The following DOCK3 variants were observed in gnomAD, a reference collection of about 807,000 sequenced individuals.
DOCK3 encodes dedicator of cytokinesis 3, also known as dedicator of cytokinesis protein 3.
DOCK3 carries 60 observed loss-of-function variants against 265.6 expected under a neutral mutation model. That is an observed-to-expected ratio of 0.23 (90% CI 0.18 to 0.28). DOCK3 has a LOEUF of 0.28. Ranked by LOEUF, DOCK3 falls within the 10% of genes least tolerant of loss-of-function variation. The pLI is 1.00. For missense variants in DOCK3, 1,981 were observed against 2,594.3 expected (o/e 0.76, Z 5.14); for synonymous variants, 881 against 938.0 (o/e 0.94, Z 1.11).
intron 5 of DOCK3, among the ~76,000 whole-genome samples, chr3:51,062,277 G>A (rs2081437026): frequency 6.6e-6 from 1 of 152,144 alleles, no homozygotes; most frequent in African/African-American, 2.4e-5. Context: ...CAAAATCTGT[G>A]TTTAACCTGG....
intron 9 of DOCK3, among the ~76,000 whole-genome samples, chr3:51,133,483 G>A (rs999041840): frequency 5.9e-5 from 9 of 151,992 alleles, no homozygotes; most frequent in Non-Finnish European, 1.0e-4. Flanking sequence ...TCCCTACAAA[G>A]GACATGAACT....
At chr3:50,705,658 G>A (rs2036362248) in intron 1 of DOCK3, among the ~76,000 whole-genome samples, 1 of 151,636 alleles carries the variant, frequency 6.6e-6, no homozygotes, top group African/African-American at 2.4e-5. Flanking sequence ...CTCTTGATCT[G>A]CCTACCTCAG....
At chr3:50,817,360 G>A (rs1375590425) in intron 2 of DOCK3, among the ~76,000 whole-genome samples, 1 of 152,044 alleles carries the variant, frequency 6.6e-6, no homozygotes. Flanking sequence ...TGGTTCATAC[G>A]CCTCTGACAC....
At chr3:51,094,677 G>A (rs1170055084) in intron 9 of DOCK3, among the ~76,000 whole-genome samples, 4 of 150,948 alleles carry the variant, frequency 2.6e-5, no homozygotes, top group African/African-American at 7.3e-5. Context: ...ATTCTGTCCT[G>A]ATCTTAGTTA....
At chr3:51,293,880 C>T (rs2081927108) in intron 27 of DOCK3, among the ~76,000 whole-genome samples, 1 of 151,998 alleles carries the variant, frequency 6.6e-6, no homozygotes, top group Admixed American at 6.6e-5. Flanking sequence ...CAGAAAACAC[C>T]AAGTAAAACC....
chr3:51,090,669 C>A (rs1252138161), intron 9 of DOCK3, among the ~76,000 whole-genome samples: 1 of 151,984 alleles, frequency 6.6e-6, no homozygotes, highest in Non-Finnish European at 1.5e-5. Flanking sequence ...TATTTAATAC[C>A]ACAAAAAAGG....
At chr3:51,123,929 G>A (rs951847798) in intron 9 of DOCK3, among the ~76,000 whole-genome samples, 2 of 152,146 alleles carry the variant, frequency 1.3e-5, no homozygotes, top group African/African-American at 2.4e-5. Flanking sequence ...GGCCTGCTAT[G>A]TTAACTCTTT....
intron 5 of DOCK3, among the ~76,000 whole-genome samples, chr3:50,994,692 G>A (rs538502851): frequency 7.9e-5 from 12 of 152,328 alleles, no homozygotes; most frequent in African/African-American, 2.2e-4. Flanking sequence ...TCCAAAGACA[G>A]AGTAGGATTG....
chr3:51,228,960 T>A, intron 18 of DOCK3, 128 bp downstream of exon 18: 1 of 1,203,776 alleles, frequency 8.3e-7, no homozygotes, highest in Non-Finnish European at 1.1e-6. Context: ...TTCTTTTCAT[T>A]TGAAGTTGAA....
At chr3:51,035,296 CT>C (rs2080223446) in intron 5 of DOCK3, among the ~76,000 whole-genome samples, 1 of 151,792 alleles carries the variant, frequency 6.6e-6, no homozygotes, top group African/African-American at 2.4e-5. Flanking sequence ...TATTCTTTGT[CT>C]TTTCAGATGA....
chr3:50,885,987 G>A (rs1444590776), intron 3 of DOCK3, among the ~76,000 whole-genome samples: 1 of 151,946 alleles, frequency 6.6e-6, no homozygotes, highest in Non-Finnish European at 1.5e-5. Context: ...TGGCTAGAGA[G>A]AGCAAGTTTT....
intron 9 of DOCK3, among the ~76,000 whole-genome samples, chr3:51,128,146 C>T (rs1206888571): frequency 1.3e-5 from 2 of 152,184 alleles, no homozygotes; most frequent in Non-Finnish European, 2.9e-5. Context: ...ACTAAGACCT[C>T]TAGGCCAGCA....
At chr3:51,194,821 T>TC (rs1376009094) in intron 12 of DOCK3, among the ~76,000 whole-genome samples, 7 of 149,978 alleles carry the variant, frequency 4.7e-5, no homozygotes, top group African/African-American at 7.4e-5. Flanking sequence ...AAGGTGAATA[T>TC]CTTTTTTTTT....
chr3:51,133,962 G>A (rs4927964), intron 9 of DOCK3, among the ~76,000 whole-genome samples: 138,777 of 152,222 alleles, frequency 0.91, 63,410 homozygotes, highest in African/African-American at 0.95. Context: ...CCCAGTGTCT[G>A]TTGTTCTCCT....
intron 5 of DOCK3, among the ~76,000 whole-genome samples, chr3:50,994,981 A>G (rs2078228197): frequency 6.6e-6 from 1 of 152,206 alleles, no homozygotes; most frequent in African/African-American, 2.4e-5. Context: ...TTAATGAATT[A>G]TGGTGGTATG....
chr3:50,869,663 T>G (rs895123496), intron 3 of DOCK3, among the ~76,000 whole-genome samples: 2 of 151,072 alleles, frequency 1.3e-5, no homozygotes, highest in Non-Finnish European at 2.9e-5. Context: ...TGAGCCACCA[T>G]GTGCGACCTG....
rs2086339556 is a variant in DOCK3, at chr3:51,356,069, C to T, written c.4250-20C>T. 1 of 1,613,580 alleles carries T rather than the reference C, an allele frequency of 6.2e-7. No homozygotes were observed. The highest frequency in any genetic ancestry group is 8.5e-7 in the Non-Finnish European group (1 of 1,179,646). Reference sequence around the variant, plus strand: ...GCCCAGCTCTGGCAAGTCTGTGTTTCTCCTTCACTTCCTGCCCAGACTTGC... The same window carrying T: ...GCCCAGCTCTGGCAAGTCTGTGTTTTTCCTTCACTTCCTGCCCAGACTTGC... On this transcript the variant is annotated intron_variant, in intron 41 of 52. Coordinates refer to ENST00000266037, the MANE Select transcript of DOCK3 (RefSeq NM_004947.5).
At chr3:50,905,269 T>G (rs966536051) in intron 4 of DOCK3, among the ~76,000 whole-genome samples, 2 of 152,112 alleles carry the variant, frequency 1.3e-5, no homozygotes, top group African/African-American at 4.8e-5. Context: ...CCATATGAAC[T>G]TTAAAGTAGT....
chr3:51,238,119 C>CT (rs747331452), intron 21 of DOCK3, among the ~76,000 whole-genome samples: 6 of 47,484 alleles, frequency 1.3e-4, no homozygotes, highest in African/African-American at 1.7e-4. Context: ...ATATTTACCA[C>CT]TTTTTTTTTT....
Sources: gnomAD v4.1 joint callset for allele counts (sites outside exome capture counted in the v4.1 genomes callset) on GRCh38, gnomAD v4.1.1 for gene constraint, MANE v1.5 for transcripts, NCBI Gene and HGNC (gene_info 2026-07-23, HGNC 2026-07-21) for gene names.